The following GPC6 variants were observed in gnomAD, a reference collection of about 807,000 sequenced individuals.
GPC6 encodes glypican-6.
A neutral mutation model predicts 55.2 loss-of-function variants in GPC6; 14 were observed. The observed-to-expected ratio is 0.25, with a 90% CI of 0.17 to 0.40. The LOEUF (loss-of-function observed/expected upper bound fraction) is 0.40. Among genes scored for constraint, GPC6 ranks in the 10% least tolerant of loss-of-function variants. The probability of loss-of-function intolerance (pLI) is 1.00; values close to 1 mark genes in which losing one functional copy is unlikely to be tolerated. For missense variants in GPC6, 641 were observed against 708.5 expected (o/e 0.90, Z 1.08); for synonymous variants, 278 against 259.6 (o/e 1.07, Z -0.68).
At chr13:93,463,327 G>A (rs972627973) in intron 1 of GPC6, among the ~76,000 whole-genome samples, 5 of 152,188 alleles carry the variant, frequency 3.3e-5, no homozygotes, top group African/African-American at 9.6e-5. Flanking sequence ...TTTCATGGAC[G>A]TTTGCGAAAA....
At chr13:93,948,988 T>C (rs1447924411) in intron 3 of GPC6, among the ~76,000 whole-genome samples, 2 of 152,180 alleles carry the variant, frequency 1.3e-5, no homozygotes, top group African/African-American at 4.8e-5. Flanking sequence ...ATAAAACTTA[T>C]CTGAGGAGAT....
At chr13:93,649,904 C>T (rs1187745939) in intron 2 of GPC6, among the ~76,000 whole-genome samples, 1 of 152,074 alleles carries the variant, frequency 6.6e-6, no homozygotes. Flanking sequence ...TTCTGTGGTT[C>T]AGAACTACAT....
intron 3 of GPC6, among the ~76,000 whole-genome samples, chr13:93,875,237 A>G (rs965678805): frequency 6.6e-6 from 1 of 151,870 alleles, no homozygotes; most frequent in African/African-American, 2.4e-5. Context: ...AACTATCCTG[A>G]CCTGCCATTT....
intron 1 of GPC6, among the ~76,000 whole-genome samples, chr13:93,387,223 A>G (rs1173395543): frequency 1.3e-5 from 2 of 151,312 alleles, no homozygotes; most frequent in Non-Finnish European, 2.9e-5. Flanking sequence ...TTTGTTACAT[A>G]GGTATACATG....
chr13:94,066,521 A>G lies in GPC6; in HGVS notation c.877+38627A>G, dbSNP rs74827169. ...ACATTTTGTATCATTTTGTACATCA[A>G]TGTACTTACATTTAGCATTCAACTG... is the stretch of plus-strand genomic sequence containing the variant. On this transcript the variant is annotated intron_variant, in intron 4 of 8. Transcript: ENST00000377047. Among the ~76,000 whole-genome samples the G allele has an allele frequency of 7.6e-3, 1,153 of 152,298 alleles. 16 individuals carry two copies. The highest frequency in any genetic ancestry group is 0.026 in the African/African-American group (1,064 of 41,564).
chr13:94,245,113 T>G (rs1277312832), intron 4 of GPC6, among the ~76,000 whole-genome samples: 1 of 152,102 alleles, frequency 6.6e-6, no homozygotes, highest in African/African-American at 2.4e-5. Flanking sequence ...TTAGACCTTT[T>G]GACTTGTTCA....
At chr13:94,054,910 G>A (rs895568640) in intron 4 of GPC6, among the ~76,000 whole-genome samples, 10 of 152,078 alleles carry the variant, frequency 6.6e-5, no homozygotes, top group African/African-American at 1.2e-4. Context: ...TCTCAAACCC[G>A]AATTAATCTT....
chr13:93,323,995 T>C (rs1030372031), intron 1 of GPC6, among the ~76,000 whole-genome samples: 1 of 152,152 alleles, frequency 6.6e-6, no homozygotes, highest in Non-Finnish European at 1.5e-5. Flanking sequence ...TGCACAACCA[T>C]GTTTGTTACA....
chr13:93,514,556 G>A lies in GPC6; in HGVS notation c.161-30707G>A, dbSNP rs184768813. 1.6e-4 allele frequency among the ~76,000 whole-genome samples: 24 copies of A among 152,208 alleles called. No individual in the cohort carries two copies. The East Asian group carries it at 4.3e-3, about 27-fold the overall frequency. ...TCTTTTCAGAGCATCTCACATCCTT[G>A]GTAGGCATATGCAATGGTCATTGGA... On this transcript the variant is annotated intron_variant, in intron 1 of 8. Coordinates refer to ENST00000377047, the MANE Select transcript of GPC6 (RefSeq NM_005708.5).
intron 6 of GPC6, among the ~76,000 whole-genome samples, chr13:94,341,186 G>T (rs190215635): frequency 6.6e-6 from 1 of 152,268 alleles, no homozygotes; most frequent in African/African-American, 2.4e-5. Context: ...TCATTGGGCA[G>T]ATGAAAAAAT....
rs1220377156 is a variant in GPC6 at position 93,463,178 on chromosome 13, A to G, written c.161-82085A>G. Among the ~76,000 whole-genome samples the G allele has an allele frequency of 2.0e-5, 3 of 152,348 alleles. No individual in the cohort carries two copies. In the East Asian group the frequency reaches 5.8e-4, roughly 29 times the overall value. On this transcript the variant is annotated intron_variant, in intron 1 of 8. Coordinates refer to ENST00000377047, the MANE Select transcript of GPC6 (RefSeq NM_005708.5). ...GATAAGGAATGAAATTACTTGTGGT[A>G]TAATCTATAATTATTTTTGGCAAAT...
intron 1 of GPC6, among the ~76,000 whole-genome samples, chr13:93,298,961 T>C (rs1283136770): frequency 1.3e-5 from 2 of 152,046 alleles, no homozygotes; most frequent in Non-Finnish European, 1.5e-5. Flanking sequence ...TTTGCACTTC[T>C]GTTACTTGCA....
intron 4 of GPC6, among the ~76,000 whole-genome samples, chr13:94,065,336 C>T (rs1431471290): frequency 1.3e-5 from 2 of 152,148 alleles, no homozygotes; most frequent in Non-Finnish European, 2.9e-5. Flanking sequence ...ACTCAGTGCT[C>T]ACTCTATGAT....
intron 4 of GPC6, among the ~76,000 whole-genome samples, chr13:94,179,434 ACT>A (rs922678655): frequency 6.6e-6 from 1 of 152,080 alleles, no homozygotes; most frequent in Non-Finnish European, 1.5e-5. Flanking sequence ...CAGTTTCCTG[ACT>A]CAGGGGTTCC....
At chr13:94,396,527 A>G (rs1044632498) in intron 7 of GPC6, among the ~76,000 whole-genome samples, 2 of 152,238 alleles carry the variant, frequency 1.3e-5, no homozygotes, top group African/African-American at 4.8e-5. Context: ...TGTGCAGTGC[A>G]CGAAATGCCC....
intron 4 of GPC6, among the ~76,000 whole-genome samples, chr13:94,235,130 AAGAC>A (rs748918219): frequency 1.3e-5 from 2 of 152,104 alleles, no homozygotes; most frequent in Non-Finnish European, 2.9e-5. Flanking sequence ...TAAAAAAAGA[AAGAC>A]AGCATGATAA....
At chr13:93,986,832 T>C (rs1348816735) in intron 3 of GPC6, among the ~76,000 whole-genome samples, 1 of 152,200 alleles carries the variant, frequency 6.6e-6, no homozygotes, top group African/African-American at 2.4e-5. Context: ...TTTTACATGC[T>C]ATTTTGCAAG....
Position 93,280,126 on chromosome 13 carries a change from T to G in GPC6, c.160+52510T>G, listed in dbSNP as rs893351377. 4.1e-4 allele frequency among the ~76,000 whole-genome samples: 63 copies of G among 152,284 alleles called. 1 individual carries two copies. The highest frequency in any genetic ancestry group is 1.5e-3 in the African/African-American group (62 of 41,552). ...TTTTCACCCTGTGTGACATGAGAAT[T>G]CTGCACATGGTTATCTCCTCCCAGA... On this transcript the variant is annotated intron_variant, in intron 1 of 8. Transcript: ENST00000377047.
At chr13:94,401,778 T>A (rs1434855524) in intron 8 of GPC6, among the ~76,000 whole-genome samples, 1 of 152,106 alleles carries the variant, frequency 6.6e-6, no homozygotes, top group Non-Finnish European at 1.5e-5. Flanking sequence ...CTTAAAACTA[T>A]AAAAACCACC....
Sources: gnomAD v4.1 joint callset for allele counts (sites outside exome capture counted in the v4.1 genomes callset) on GRCh38, gnomAD v4.1.1 for gene constraint, MANE v1.5 for transcripts, NCBI Gene and HGNC (gene_info 2026-07-23, HGNC 2026-07-21) for gene names.